The following CCNB2 variants were observed in gnomAD, a reference collection of about 807,000 sequenced individuals.
CCNB2 encodes the protein cyclin B2.
A neutral mutation model predicts 51.1 loss-of-function variants in CCNB2; 39 were observed. That is an observed-to-expected ratio of 0.76 (90% CI 0.59 to 1.00). CCNB2 has a LOEUF of 1.00. CCNB2 is among the 50% of genes least tolerant of loss of function. The pLI is 0.00. For missense variants in CCNB2, 472 were observed against 470.3 expected (o/e 1.00, Z -0.03); for synonymous variants, 174 against 165.5 (o/e 1.05, Z -0.40).
At chr15:59,122,040 C>T (rs1350056687) in intron 7 of CCNB2, among the ~76,000 whole-genome samples, 3 of 150,108 alleles carry the variant, frequency 2.0e-5, no homozygotes, top group Non-Finnish European at 4.4e-5. Flanking sequence ...ATCACTTGAG[C>T]CCAGGATGTC....
chr15:59,118,190 T>C (rs56187627), intron 7 of CCNB2, among the ~76,000 whole-genome samples: 7,478 of 152,194 alleles, frequency 0.049, 433 homozygotes, highest in African/African-American at 0.14. Flanking sequence ...TTTAGAAGAG[T>C]AGCCAAGGAT....
rs1389359446 is a variant in CCNB2 at position 59,124,892 on chromosome 15, T to G, written c.*15T>G. ...GAAGGTCCTAGGCTGCCGTGGCCCC[T>G]GGGGATGTGTGCTTCATTGTGCCCT... On this transcript the variant is annotated 3_prime_UTR_variant, in exon 9 of 9. Transcript: ENST00000288207. 2.4e-5 allele frequency: 35 copies of G among 1,457,648 alleles called. No individual in the cohort carries two copies. Among genetic ancestry groups the G allele is most frequent in the Non-Finnish European group, 3.2e-5 (34 of 1,073,124 alleles). 90.3% of individuals were successfully genotyped at this position (1,457,648 alleles called of 1,614,324 possible).
At chr15:59,116,585 A>G (rs1566956931) in intron 5 of CCNB2, 105 bp from the exon 6 acceptor site, 9 of 782,408 alleles carry the variant, frequency 1.2e-5, no homozygotes, top group Non-Finnish European at 2.0e-5. Flanking sequence ...TTATGAGCAA[A>G]GACAATGTGC....
chr15:59,123,612 CT>C lies in CCNB2; in HGVS notation c.1073del (p.Leu358Ter). On this transcript the variant is annotated frameshift_variant, in exon 8 of 9. Coordinates refer to ENST00000288207, the MANE Select transcript of CCNB2 (RefSeq NM_004701.4). LOFTEE classifies it high-confidence loss of function. Reference sequence around the variant, plus strand: ...AGAATGTGGTGAAAGTAAATGAAAACTTAACTAAATTCATCGTAAGTACTAC... The same window carrying C: ...AGAATGTGGTGAAAGTAAATGAAAACTAACTAAATTCATCGTAAGTACTAC... The part of the protein sequence containing the change: ...AKNVVKVNEN[L>X]TKFIAIKNKY... The C allele has an allele frequency of 6.3e-7, 1 of 1,595,454 alleles. No individual in the cohort carries two copies. Among genetic ancestry groups the C allele is most frequent in the Non-Finnish European group, 8.6e-7 (1 of 1,169,152 alleles).
intron 7 of CCNB2, among the ~76,000 whole-genome samples, chr15:59,123,021 G>C (rs1360508438): frequency 6.6e-6 from 1 of 152,154 alleles, no homozygotes; most frequent in Non-Finnish European, 1.5e-5. Flanking sequence ...AGTTCTTCTG[G>C]ATTTGATAGA....
chr15:59,114,650 T>C lies in CCNB2; in HGVS notation c.438+36T>C, dbSNP rs757393271. 4.4e-6 allele frequency: 7 copies of C among 1,587,202 alleles called. No homozygotes were observed. In the East Asian group the frequency reaches 9.0e-5, roughly 20 times the overall value. On this transcript the variant is annotated intron_variant, in intron 4 of 8. Transcript: ENST00000288207. ...CTTTGTGTTTTGGTTGTATAAGCAA[T>C]GTGGAATTTACCACACAGCTGGGAA...
At chr15:59,116,964 TG>T (rs2079281851) in intron 6 of CCNB2, 38 bp downstream of exon 6, 10 of 1,506,740 alleles carry the variant, frequency 6.6e-6, no homozygotes, top group Non-Finnish European at 8.3e-6. Flanking sequence ...TATTTTTGCT[TG>T]GTGTCTCATC....
chr15:59,117,779 GT>G (rs2140289447), intron 7 of CCNB2, among the ~76,000 whole-genome samples: 1 of 152,224 alleles, frequency 6.6e-6, no homozygotes, highest in South Asian at 2.1e-4. Flanking sequence ...TGAAGCAATT[GT>G]TTAAAGTCCA....
intron 7 of CCNB2, 95 bp downstream of exon 7, chr15:59,117,463 C>T: frequency 7.6e-7 from 1 of 1,318,802 alleles, no homozygotes; most frequent in Non-Finnish European, 1.1e-6. Flanking sequence ...ATCCTTGAAG[C>T]AGTTGGTTTT....
intron 3 of CCNB2, among the ~76,000 whole-genome samples, chr15:59,111,370 C>T (rs1023091078): frequency 6.6e-6 from 1 of 152,210 alleles, no homozygotes; most frequent in Non-Finnish European, 1.5e-5. Context: ...CTCAGTTGCA[C>T]TTCTGAATAG....
At position 59,114,505 on chromosome 15, in the gene CCNB2, C is replaced by G; in HGVS notation, c.329C>G (p.Ser110Cys). The change falls in exon 4 of 9, where the codon TCT (serine) becomes TGT (cysteine). Residue 110 changes from serine to cysteine, a missense_variant. Coordinates refer to ENST00000288207, the MANE Select transcript of CCNB2 (RefSeq NM_004701.4). ...MKEENLCQAF[S>C]DALLCKIEDI... ...GAAGAGAATCTCTGCCAAGCTTTTT[C>G]TGATGCCTTGCTCTGCAAAATCGAG... 6.2e-7 allele frequency: 1 copy of G among 1,613,844 alleles called. No homozygotes were observed. The highest frequency in any genetic ancestry group is 1.3e-5 in the African/African-American group (1 of 75,028).
intron 7 of CCNB2, chr15:59,121,675 T>G (rs1222805441): frequency 6.6e-6 from 1 of 152,280 alleles, no homozygotes; most frequent in Non-Finnish European, 1.5e-5. Flanking sequence ...CTCATGCCTG[T>G]AGTCCCAGCA....
At position 59,114,735 on chromosome 15, in the gene CCNB2, C is replaced by G; in HGVS notation, c.456C>G (p.Asn152Lys). 6.2e-7 allele frequency: 1 copy of G among 1,612,114 alleles called. No individual in the cohort carries two copies. The highest frequency in any genetic ancestry group is 1.3e-5 in the African/African-American group (1 of 75,014). The change falls in exon 5 of 9, where the codon AAC becomes AAG. Residue 152 changes from asparagine to lysine, a missense_variant. Coordinates refer to ENST00000288207, the MANE Select transcript of CCNB2 (RefSeq NM_004701.4). ...ACCCACAGGTTTTGCAGTCCATAAA[C>G]CCACATTTCTTAGATGGAAGAGATA... ...LRQLEVLQSINPHFLDGRDIN... is the reference protein window; with the variant it reads ...LRQLEVLQSIKPHFLDGRDIN...
At chr15:59,114,169 C>T (rs745586897) in intron 3 of CCNB2, among the ~76,000 whole-genome samples, 12 of 152,072 alleles carry the variant, frequency 7.9e-5, no homozygotes, top group East Asian at 1.9e-4. Context: ...GATGGGTCAG[C>T]GAGGGAACTG....
intron 7 of CCNB2, among the ~76,000 whole-genome samples, chr15:59,117,614 A>C (rs543786793): frequency 6.6e-6 from 1 of 152,264 alleles, no homozygotes; most frequent in South Asian, 2.1e-4. Context: ...GACTACAGGC[A>C]TGCATGACCA....
chr15:59,106,577 C>T lies in CCNB2; in HGVS notation c.25-745C>T, dbSNP rs558863853. Among the ~76,000 whole-genome samples the T allele has an allele frequency of 5.5e-4, 83 of 152,178 alleles. No individual in the cohort carries two copies. The South Asian group carries it at 7.5e-3, about 14-fold the overall frequency. Reference sequence around the variant, plus strand: ...CTTTTTTTGGTATGAGTTGCTTTTCCTAGCAAGTTTTATTTCCAAGCACAT... The same window carrying T: ...CTTTTTTTGGTATGAGTTGCTTTTCTTAGCAAGTTTTATTTCCAAGCACAT... On this transcript the variant is annotated intron_variant, in intron 1 of 8. Coordinates refer to ENST00000288207, the MANE Select transcript of CCNB2 (RefSeq NM_004701.4).
At chr15:59,110,218 T>C (rs1273869784) in intron 3 of CCNB2, among the ~76,000 whole-genome samples, 1 of 152,212 alleles carries the variant, frequency 6.6e-6, no homozygotes, top group Non-Finnish European at 1.5e-5. Flanking sequence ...GACTCCTTTT[T>C]CTCTTGCTTC....
chr15:59,124,861 T>G lies in CCNB2; in HGVS notation c.1181T>G (p.Leu394Arg), dbSNP rs201360503. 2.4e-5 allele frequency: 38 copies of G among 1,594,932 alleles called. No homozygotes were observed. Among genetic ancestry groups the G allele is most frequent in the Non-Finnish European group, 3.2e-5 (37 of 1,170,838 alleles). The change falls in exon 9 of 9, where the codon CTG becomes CGG. Residue 394 changes from leucine to arginine, a missense_variant. Physicochemically the swap from Leu to Arg is moderately radical, Grantham distance 102. Coordinates refer to ENST00000288207, the MANE Select transcript of CCNB2 (RefSeq NM_004701.4). The part of the protein sequence containing the change: ...SKAVKDLASP[L>R]IGRS ...GCCGTCAAAGACCTTGCCTCCCCAC[T>G]GATAGGAAGGTCCTAGGCTGCCGTG... is the stretch of plus-strand genomic sequence containing the variant.
At chr15:59,124,387 T>A (rs1372727491) in intron 8 of CCNB2, 1 of 212,992 alleles carries the variant, frequency 4.7e-6, no homozygotes. Context: ...CCCTCTTTTA[T>A]TGTCTTTTAT....
Sources: gnomAD v4.1 joint callset for allele counts (sites outside exome capture counted in the v4.1 genomes callset) on GRCh38, gnomAD v4.1.1 for gene constraint, MANE v1.5 for transcripts, NCBI Gene and HGNC (gene_info 2026-07-23, HGNC 2026-07-21) for gene names.